Variants in SP100 observed in about 807,000 individuals in gnomAD.
The protein encoded by SP100 is SP100 nuclear body protein.
A neutral mutation model predicts 130.0 loss-of-function variants in SP100; 84 were observed. The observed-to-expected ratio is 0.65, with a 90% CI of 0.54 to 0.77. The LOEUF (loss-of-function observed/expected upper bound fraction) is 0.77. SP100 is among the 30% of genes least tolerant of loss of function. The pLI, the probability that SP100 is intolerant of heterozygous loss-of-function variation, is 0.00. For missense variants in SP100, 978 were observed against 1,052.2 expected (o/e 0.93, Z 0.97); for synonymous variants, 331 against 351.7 (o/e 0.94, Z 0.66).
intron 13 of SP100, 121 bp downstream of exon 13, chr2:230,467,336 G>T: frequency 1.4e-6 from 1 of 705,508 alleles, no homozygotes. Context: ...ACCTCATCTG[G>T]CCATTTTGAA....
intron 2 of SP100, among the ~76,000 whole-genome samples, chr2:230,436,096 T>A (rs1354160305): frequency 4.6e-5 from 7 of 152,176 alleles, no homozygotes; most frequent in Admixed American, 3.9e-4. Flanking sequence ...AACTACTACC[T>A]TTTTTGTAAT....
At chr2:230,458,548 A>C (rs2064409076) in intron 8 of SP100, among the ~76,000 whole-genome samples, 1 of 152,230 alleles carries the variant, frequency 6.6e-6, no homozygotes, top group South Asian at 2.1e-4. Context: ...CATGGTATCC[A>C]TACATTGTCA....
In SP100 at chr2:230,545,601, A is replaced by C. The variant is rs1692281120; in HGVS notation, c.*2655A>C. Among the ~76,000 whole-genome samples, 2 of 152,200 alleles carry C rather than the reference A, an allele frequency of 1.3e-5. No individual in the cohort carries two copies. The highest frequency in any genetic ancestry group is 6.5e-5 in the Admixed American group (1 of 15,280). ...TGGATCATTAAAAAAAATTTTAATAATAAAATTGTCTTATCAAGTTCTCTT... is the reference window on the plus strand; with the variant it reads ...TGGATCATTAAAAAAAATTTTAATACTAAAATTGTCTTATCAAGTTCTCTT... On this transcript the variant is annotated 3_prime_UTR_variant, in exon 29 of 29. Transcript: ENST00000340126.
At chr2:230,456,850 G>A (rs1054387059) in intron 8 of SP100, among the ~76,000 whole-genome samples, 2 of 151,980 alleles carry the variant, frequency 1.3e-5, no homozygotes, top group Non-Finnish European at 2.9e-5. Context: ...ATTTTCTTAA[G>A]GTTTGCTGAG....
Position 230,503,090 on chromosome 2 carries a change from T to C in SP100, c.1745T>C (p.Leu582Ser). 2.5e-6 allele frequency: 4 copies of C among 1,604,088 alleles called. No individual in the cohort carries two copies. Among genetic ancestry groups the C allele is most frequent in the Non-Finnish European group, 2.6e-6 (3 of 1,173,346 alleles). The change falls in exon 20 of 29, where the codon TTG becomes TCG. Residue 582 changes from leucine to serine, a missense_variant. Transcript: ENST00000340126. ...GGAAGAAAAGCCAACACTAGACCTT[T>C]GAAAAGAAGAAGAAAAAGAGGTAAA... is the stretch of plus-strand genomic sequence containing the variant. ...QRGRKANTRPLKRRRKRGPRI... is the reference protein window; with the variant it reads ...QRGRKANTRPSKRRRKRGPRI...
chr2:230,506,105 T>C (rs752879389), intron 21 of SP100, among the ~76,000 whole-genome samples, 198 bp from the exon 22 acceptor site: 13 of 151,346 alleles, frequency 8.6e-5, no homozygotes, highest in Non-Finnish European at 1.8e-4. Context: ...GTCAAAGAAA[T>C]GTACACACAT....
In SP100 at chr2:230,539,335, A is replaced by G. The variant is rs1228616852; in HGVS notation, c.2163A>G (p.Pro721=). Reference sequence around the variant, plus strand: ...GGCTGTTCTGCTGCGACACTTGTCCAAGATCCTTTCATGAGCACTGCCACA... The same window carrying G: ...GGCTGTTCTGCTGCGACACTTGTCCGAGATCCTTTCATGAGCACTGCCACA... The part of the protein sequence containing the change: ...WGRLFCCDTC[P]RSFHEHCHIP... The change falls in exon 25 of 29, where the codon CCA becomes CCG. Residue 721 remains proline (P), a synonymous_variant. Transcript: ENST00000340126. The G allele has an allele frequency of 3.7e-6, 6 of 1,613,850 alleles. No individual in the cohort carries two copies. Among genetic ancestry groups the G allele is most frequent in the East Asian group, 2.2e-5 (1 of 44,896 alleles).
At chr2:230,508,193 TC>T in intron 23 of SP100, 162 bp downstream of exon 23, 1 of 1,180,874 alleles carries the variant, frequency 8.5e-7, no homozygotes, top group Non-Finnish European at 1.1e-6. Flanking sequence ...AATGTATAAG[TC>T]CAGGGCTCCT....
chr2:230,486,679 T>C (rs1408259679), intron 17 of SP100, among the ~76,000 whole-genome samples: 1 of 152,374 alleles, frequency 6.6e-6, no homozygotes, highest in Non-Finnish European at 1.5e-5. Flanking sequence ...TTATATTCCT[T>C]TGGGTATATA....
At position 230,469,089 on chromosome 2, in the gene SP100, G is replaced by A. The variant is rs201515370; in HGVS notation, c.1338G>A (p.Arg446=). Reference sequence around the variant, plus strand: ...CATCTACTTGGAGAATACCCAGCAGGAAGAGACGTAAGAGCAATTAAAAAC... The same window carrying A: ...CATCTACTTGGAGAATACCCAGCAGAAAGAGACGTAAGAGCAATTAAAAAC... ...RSTSTWRIPS[R]KRRFSSSDFS... Residue 446 remains arginine, a synonymous_variant, in exon 14 of 29, where the codon AGG becomes AGA. Coordinates refer to ENST00000340126, the MANE Select transcript of SP100 (RefSeq NM_001080391.2). The A allele has an allele frequency of 5.2e-5, 83 of 1,595,988 alleles. No homozygotes were observed. Among genetic ancestry groups the A allele is most frequent in the Non-Finnish European group, 5.2e-5 (61 of 1,165,836 alleles).
rs573689565 is a variant in SP100 at position 230,479,327 on chromosome 2, T to C, written c.1600+4880T>C. ...ATCTTGTGTAATATTTTATAGGCATTGCTACTGTTTATAGGCTAATTATTA... is the reference window on the plus strand; with the variant it reads ...ATCTTGTGTAATATTTTATAGGCATCGCTACTGTTTATAGGCTAATTATTA... On this transcript the variant is annotated intron_variant, in intron 17 of 28. Coordinates refer to ENST00000340126, the MANE Select transcript of SP100 (RefSeq NM_001080391.2). 4.6e-5 allele frequency among the ~76,000 whole-genome samples: 7 copies of C among 152,380 alleles called. No individual in the cohort carries two copies. In the South Asian group the frequency reaches 1.4e-3, roughly 32 times the overall value.
intron 2 of SP100, among the ~76,000 whole-genome samples, chr2:230,441,015 T>A (rs746799739): frequency 6.6e-6 from 1 of 152,006 alleles, no homozygotes; most frequent in Non-Finnish European, 1.5e-5. Flanking sequence ...TCAAAAGACA[T>A]GATTAAGAAA....
At chr2:230,520,131 A>T (rs1691103411) in intron 24 of SP100, among the ~76,000 whole-genome samples, 2 of 152,224 alleles carry the variant, frequency 1.3e-5, no homozygotes, top group Non-Finnish European at 1.5e-5. Context: ...AAGAAGTTTC[A>T]GGGTATTCAT....
intron 13 of SP100, among the ~76,000 whole-genome samples, 164 bp downstream of exon 13, chr2:230,467,379 G>A (rs2065016499): frequency 6.6e-6 from 1 of 152,214 alleles, no homozygotes; most frequent in Non-Finnish European, 1.5e-5. Context: ...CTAAATTCAG[G>A]CTTAACAAGA....
At chr2:230,503,861 CA>C (rs1188400637) in intron 20 of SP100, among the ~76,000 whole-genome samples, 1 of 152,148 alleles carries the variant, frequency 6.6e-6, no homozygotes, top group African/African-American at 2.4e-5. Flanking sequence ...AACACAACAT[CA>C]AAGCAATATG....
chr2:230,506,107 TAC>T (rs1328932565), intron 21 of SP100, among the ~76,000 whole-genome samples, 194 bp from the exon 22 acceptor site: 1 of 152,200 alleles, frequency 6.6e-6, no homozygotes, highest in Non-Finnish European at 1.5e-5. Context: ...CAAAGAAATG[TAC>T]ACACATGACA....
intron 28 of SP100, 127 bp downstream of exon 28, chr2:230,542,162 C>G: frequency 9.8e-7 from 1 of 1,017,762 alleles, no homozygotes; most frequent in South Asian, 1.4e-5. Flanking sequence ...CATACAAGTA[C>G]AAATCCTGGA....
chr2:230,474,112 C>T (rs1200789485), intron 16 of SP100, among the ~76,000 whole-genome samples: 1 of 152,116 alleles, frequency 6.6e-6, no homozygotes, highest in African/African-American at 2.4e-5. Context: ...ATTTAATATT[C>T]ATAAAAATTT....
intron 18 of SP100, among the ~76,000 whole-genome samples, chr2:230,494,804 A>G (rs184455320): frequency 2.0e-5 from 3 of 152,352 alleles, no homozygotes; most frequent in East Asian, 1.9e-4. Context: ...TTATTTTAAT[A>G]GAAAGACTCA....
Sources: allele counts gnomAD v4.1 joint callset (sites outside exome capture counted in the v4.1 genomes callset), GRCh38; gene constraint gnomAD v4.1.1; transcripts MANE v1.5; gene names NCBI Gene and HGNC (gene_info 2026-07-23, HGNC 2026-07-21).